Variants in CSMD3 observed in about 807,000 individuals in gnomAD.
The protein encoded by CSMD3 is CUB and sushi domain-containing protein 3.
Under a neutral mutation model 435.2 loss-of-function variants are expected in CSMD3, and 177 were observed. The observed-to-expected ratio is 0.41, with a 90% CI of 0.36 to 0.46. The LOEUF is 0.46. Ranked by LOEUF, CSMD3 falls within the 20% of genes least tolerant of loss-of-function variation. The probability of loss-of-function intolerance (pLI) is 0.34; values close to 1 mark genes in which losing one functional copy is unlikely to be tolerated. For missense variants in CSMD3, 4,265 were observed against 4,504.6 expected (o/e 0.95, Z 1.52); for synonymous variants, 1,656 against 1,520.5 (o/e 1.09, Z -2.07).
At chr8:112,970,996 C>T (rs1430923451) in intron 7 of CSMD3, among the ~76,000 whole-genome samples, 1 of 152,158 alleles carries the variant, frequency 6.6e-6, no homozygotes, top group Non-Finnish European at 1.5e-5. Context: ...GCTGGGATGA[C>T]AGGCGTGGGC....
intron 40 of CSMD3, 113 bp from the exon 41 acceptor site, chr8:112,346,326 A>T: frequency 2.7e-6 from 2 of 739,058 alleles, no homozygotes; most frequent in Non-Finnish European, 4.9e-6. Context: ...AACTGATATA[A>T]ATTTGAATAT....
chr8:112,991,833 T>C (rs1194336763), intron 6 of CSMD3, among the ~76,000 whole-genome samples: 1 of 151,934 alleles, frequency 6.6e-6, no homozygotes, highest in Non-Finnish European at 1.5e-5. Context: ...ATGATGTGAC[T>C]ACATAGGTAC....
In CSMD3 at chr8:112,484,619, G is replaced by A. The variant is rs11993670; in HGVS notation, c.5278+7870C>T. On this transcript the variant is annotated intron_variant, in intron 31 of 70. Transcript: ENST00000297405. ...GTAGTTGAGAATGGGGCACATCTTC[G>A]TACAATGAGAATCCATATGACTGTC... Among the ~76,000 whole-genome samples, 736 of 151,912 alleles carry A rather than the reference G, an allele frequency of 4.8e-3. 5 individuals are homozygous for A. Among genetic ancestry groups the A allele is most frequent in the African/African-American group, 0.016 (648 of 41,444 alleles).
At chr8:112,838,103 A>G (rs1225696254) in intron 11 of CSMD3, among the ~76,000 whole-genome samples, 1 of 151,708 alleles carries the variant, frequency 6.6e-6, no homozygotes, top group South Asian at 2.1e-4. Context: ...CAGCCACTCA[A>G]TCCAGTTGGA....
chr8:112,443,328 G>A (rs533120921), intron 32 of CSMD3, among the ~76,000 whole-genome samples: 1 of 152,174 alleles, frequency 6.6e-6, no homozygotes, highest in Non-Finnish European at 1.5e-5. Context: ...ATGGTTATTT[G>A]AGTATAATTT....
At chr8:113,094,307 C>A (rs1435178980) in intron 5 of CSMD3, among the ~76,000 whole-genome samples, 1 of 152,120 alleles carries the variant, frequency 6.6e-6, no homozygotes, top group Non-Finnish European at 1.5e-5. Context: ...GAGCAGCCCC[C>A]TAAATGGTCT....
At chr8:112,295,790 C>T in intron 54 of CSMD3, 43 bp downstream of exon 54, 1 of 1,565,904 alleles carries the variant, frequency 6.4e-7, no homozygotes, top group Non-Finnish European at 8.8e-7. Context: ...AGAATTATTC[C>T]AAAGATCAGA....
rs1421592085 is a variant in CSMD3 at position 112,314,626 on chromosome 8, G to GA, written c.7361-10dup. 1 of 1,601,940 alleles carries GA rather than the reference G, an allele frequency of 6.2e-7. No individual in the cohort carries two copies. The highest frequency in any genetic ancestry group is 2.2e-5 in the East Asian group (1 of 44,696). On this transcript the variant is annotated splice_polypyrimidine_tract_variant and intron_variant, in intron 47 of 70. Transcript: ENST00000297405. ...ATTGGCAGGACAGAGCACTGTCAAAGAAAAATGTCATTAAATAATGCCAGT... is the reference window on the plus strand; with the variant it reads ...ATTGGCAGGACAGAGCACTGTCAAAGAAAAAATGTCATTAAATAATGCCAGT...
chr8:112,477,656 C>T lies in CSMD3; in HGVS notation c.5279-4949G>A, dbSNP rs138601576. 2.6e-5 allele frequency among the ~76,000 whole-genome samples: 4 copies of T among 152,258 alleles called. No homozygotes were observed. The East Asian group carries it at 5.8e-4, about 22-fold the overall frequency. On this transcript the variant is annotated intron_variant, in intron 31 of 70. Coordinates refer to ENST00000297405, the MANE Select transcript of CSMD3 (RefSeq NM_198123.2). ...TCTTGCCATGTAACATACCTGCTCC[C>T]GCTTTGCCTTCTGCAAGGATTGCAA...
chr8:113,264,156 G>T (rs1415386221), intron 3 of CSMD3, among the ~76,000 whole-genome samples: 3 of 151,162 alleles, frequency 2.0e-5, no homozygotes, highest in African/African-American at 4.8e-5. Context: ...ACTAAGTTTT[G>T]GGAAGGGGAA....
intron 3 of CSMD3, 29 bp from the exon 4 acceptor site, chr8:113,173,945 A>G (rs971362973): frequency 6.6e-6 from 10 of 1,511,820 alleles, no homozygotes; most frequent in Non-Finnish European, 9.2e-6. Flanking sequence ...AGGAGAGTTT[A>G]CAGTTATTTC....
chr8:112,297,019 G>A (rs938664466), intron 53 of CSMD3, among the ~76,000 whole-genome samples: 6 of 150,714 alleles, frequency 4.0e-5, no homozygotes, highest in Admixed American at 6.6e-5. Flanking sequence ...ATTATAACTC[G>A]CCCCAAAACT....
intron 32 of CSMD3, among the ~76,000 whole-genome samples, chr8:112,444,431 T>G (rs918473515): frequency 3.3e-5 from 5 of 152,176 alleles, no homozygotes; most frequent in Non-Finnish European, 7.3e-5. Flanking sequence ...TGTGGTTCAA[T>G]ATAGGCTCAG....
At chr8:113,181,127 T>C (rs972248628) in intron 3 of CSMD3, among the ~76,000 whole-genome samples, 1 of 152,016 alleles carries the variant, frequency 6.6e-6, no homozygotes, top group Admixed American at 6.6e-5. Flanking sequence ...AGTACTGTCT[T>C]AGCTGGGCTG....
intron 5 of CSMD3, among the ~76,000 whole-genome samples, chr8:113,054,313 A>C (rs2088224027): frequency 6.6e-6 from 1 of 152,104 alleles, no homozygotes; most frequent in Non-Finnish European, 1.5e-5. Flanking sequence ...ATTATTGCTT[A>C]ATTTTCTTAC....
intron 1 of CSMD3, among the ~76,000 whole-genome samples, chr8:113,434,255 C>A (rs11991977): frequency 0.022 from 3,279 of 152,234 alleles, 99 homozygotes; most frequent in African/African-American, 0.074. Flanking sequence ...TCACGCTAGT[C>A]TAGATTAGAA....
intron 50 of CSMD3, among the ~76,000 whole-genome samples, chr8:112,307,998 T>A (rs1369153257): frequency 6.6e-6 from 1 of 152,194 alleles, no homozygotes; most frequent in African/African-American, 2.4e-5. Context: ...GTGAAATCTT[T>A]ACAAAACTGT....
chr8:112,934,501 C>A (rs550880771), intron 9 of CSMD3, among the ~76,000 whole-genome samples: 89 of 152,220 alleles, frequency 5.8e-4, no homozygotes, highest in African/African-American at 1.9e-3. Flanking sequence ...TTAATATATT[C>A]CTTTCAATGA....
chr8:112,867,236 TC>T (rs1426082804), intron 10 of CSMD3, among the ~76,000 whole-genome samples: 1 of 152,156 alleles, frequency 6.6e-6, no homozygotes. Flanking sequence ...ACCTTTCTAA[TC>T]TTTCTTTGCT....
Sources: gnomAD v4.1 joint callset for allele counts (sites outside exome capture counted in the v4.1 genomes callset) on GRCh38, gnomAD v4.1.1 for gene constraint, MANE v1.5 for transcripts, NCBI Gene and HGNC (gene_info 2026-07-23, HGNC 2026-07-21) for gene names.